The following AIFM1 variants were observed in gnomAD, a reference collection of about 807,000 sequenced individuals.
AIFM1 encodes the protein apoptosis-inducing factor 1, mitochondrial.
A neutral mutation model predicts 51.7 loss-of-function variants in AIFM1; 3 were observed. The ratio of observed to expected loss-of-function variants is 0.06; its 90% confidence interval spans 0.03 to 0.15. AIFM1 has a LOEUF of 0.15. Ranked by LOEUF, AIFM1 falls within the 10% of genes least tolerant of loss-of-function variation. The probability of loss-of-function intolerance (pLI) is 1.00; values close to 1 mark genes in which losing one functional copy is unlikely to be tolerated. For synonymous variants in AIFM1, 178 were observed against 179.4 expected, an observed-to-expected ratio of 0.99 and a Z score of 0.06; for missense variants, 330 against 476.8, an observed-to-expected ratio of 0.69 and a Z score of 2.87.
chrX:130,161,848 C>G (rs1412207130), intron 1 of AIFM1, among the ~76,000 whole-genome samples: 1 of 111,509 alleles, frequency 9.0e-6, no homozygotes, highest in Non-Finnish European at 1.9e-5. Flanking sequence ...CTCAAGTGAT[C>G]TGCCCACCTT....
At chrX:130,147,373 A>G in intron 5 of AIFM1, 120 bp downstream of exon 5, 1 of 900,246 alleles carries the variant, frequency 1.1e-6, no homozygotes, top group Non-Finnish European at 1.6e-6. Flanking sequence ...GGACCACAGT[A>G]GACTCTAGTG....
At chrX:130,153,194 A>T (rs2031048603) in intron 2 of AIFM1, among the ~76,000 whole-genome samples, 1 of 104,839 alleles carries the variant, frequency 9.5e-6, no homozygotes, top group African/African-American at 3.5e-5. Context: ...AAAAAAAAAA[A>T]AAAAAATTAG....
intron 13 of AIFM1, among the ~76,000 whole-genome samples, chrX:130,132,770 G>A (rs1220363304): frequency 5.1e-5 from 5 of 98,042 alleles, no homozygotes; most frequent in South Asian, 5.0e-4. Context: ...TTTTTGAGAC[G>A]GAGTCTCGCT....
Position 130,147,742 on chromosome X carries a change from T to C in AIFM1, c.474+10A>G, listed in dbSNP as rs2030807966. ...ACCCTCTGTGCCAAGCAAAAAAACA[T>C]GCACCTTACCCTGGCCCCAGGATCC... is the stretch of plus-strand genomic sequence containing the variant. On this transcript the variant is annotated intron_variant, in intron 4 of 15. Transcript: ENST00000287295. 8.3e-7 allele frequency: 1 copy of C among 1,210,327 alleles called. No homozygotes were observed. The highest frequency in any genetic ancestry group is 1.7e-5 in the African/African-American group (1 of 57,286).
intron 1 of AIFM1, among the ~76,000 whole-genome samples, chrX:130,160,129 C>T (rs1487280266): frequency 9.0e-6 from 1 of 111,703 alleles, no homozygotes; most frequent in Non-Finnish European, 1.9e-5. Flanking sequence ...ATTAATAAAC[C>T]AACTTTTAAA....
chrX:130,165,477 G>C (rs1381136590), intron 1 of AIFM1, 74 bp downstream of exon 1: 2 of 891,877 alleles, frequency 2.2e-6, no homozygotes, highest in Non-Finnish European at 3.2e-6. Context: ...CGCGGGGGTA[G>C]AGGGCTGCAA....
At chrX:130,150,481 G>C (rs375802852) in intron 2 of AIFM1, among the ~76,000 whole-genome samples, 3 of 100,821 alleles carry the variant, frequency 3.0e-5, no homozygotes, top group Non-Finnish European at 6.0e-5. Flanking sequence ...GACTACAGGC[G>C]CCCGCCACTA....
chrX:130,146,611 C>CA (rs1407106263), intron 5 of AIFM1, among the ~76,000 whole-genome samples: 1 of 109,920 alleles, frequency 9.1e-6, no homozygotes, highest in Non-Finnish European at 1.9e-5. Flanking sequence ...GGTCAGGTAT[C>CA]AAAGGGGTCA....
In AIFM1 at chrX:130,137,274, C is replaced by T. The variant is rs758934186; in HGVS notation, c.968-89G>A. On this transcript the variant is annotated intron_variant, in intron 9 of 15. Transcript: ENST00000287295. ...AGAAGTAAAGGAGCAGCAGGCAGCC[C>T]TCACTACAGACAGGGCAGAGCTGCA... is the stretch of plus-strand genomic sequence containing the variant. The T allele has an allele frequency of 6.7e-6, 8 of 1,201,086 alleles. No homozygotes were observed. In the African/African-American group the frequency reaches 1.1e-4, roughly 16 times the overall value.
intron 9 of AIFM1, chrX:130,137,763 A>G: frequency 9.9e-7 from 1 of 1,013,188 alleles, no homozygotes; most frequent in South Asian, 3.3e-5. Flanking sequence ...AAAAGAAAGG[A>G]AAGAAAGTAT....
chrX:130,165,250 G>A (rs1316008212), intron 1 of AIFM1, among the ~76,000 whole-genome samples: 3 of 80,802 alleles, frequency 3.7e-5, no homozygotes, highest in African/African-American at 4.7e-5. Context: ...AAAGGGGGGT[G>A]GGGGGTGGGG....
intron 3 of AIFM1, 34 bp from the exon 4 acceptor site, chrX:130,147,910 T>C (rs749913538): frequency 4.1e-6 from 5 of 1,210,109 alleles, no homozygotes; most frequent in Middle Eastern, 2.3e-4. Context: ...ATGAATCTTC[T>C]TGAAGTCTCA....
At chrX:130,164,748 G>A (rs1018674240) in intron 1 of AIFM1, among the ~76,000 whole-genome samples, 2 of 111,572 alleles carry the variant, frequency 1.8e-5, no homozygotes, top group African/African-American at 6.5e-5. Context: ...TTGCAGCGAA[G>A]GGATTAAGGA....
intron 13 of AIFM1, among the ~76,000 whole-genome samples, chrX:130,132,499 G>A (rs2030133202): frequency 8.9e-6 from 1 of 112,464 alleles, no homozygotes; most frequent in African/African-American, 3.2e-5. Flanking sequence ...AATTTGAGAT[G>A]TTTTATGGCT....
chrX:130,162,236 A>T (rs1012421300), intron 1 of AIFM1, among the ~76,000 whole-genome samples: 2 of 112,070 alleles, frequency 1.8e-5, no homozygotes, highest in African/African-American at 6.5e-5. Flanking sequence ...GCTTGATACA[A>T]ATCACAAGAG....
chrX:130,137,430 C>T (rs927781083), intron 9 of AIFM1: 1 of 1,163,552 alleles, frequency 8.6e-7, no homozygotes, highest in Admixed American at 2.6e-5. Flanking sequence ...GAACTCTGTG[C>T]ACTTCCACCC....
At chrX:130,135,367 G>GT (rs1294292052) in intron 12 of AIFM1, among the ~76,000 whole-genome samples, 1 of 104,948 alleles carries the variant, frequency 9.5e-6, no homozygotes, top group East Asian at 3.0e-4. Flanking sequence ...GATTACAGGT[G>GT]TAAGCCACTT....
chrX:130,160,572 C>A (rs1482469486), intron 1 of AIFM1, among the ~76,000 whole-genome samples: 3 of 111,957 alleles, frequency 2.7e-5, no homozygotes, highest in African/African-American at 9.7e-5. Context: ...ATTGACTGAA[C>A]ATTCTTATTA....
intron 6 of AIFM1, among the ~76,000 whole-genome samples, chrX:130,141,482 C>T (rs1334533636): frequency 1.8e-5 from 2 of 112,069 alleles, no homozygotes; most frequent in Non-Finnish European, 3.8e-5. Context: ...AGAATGCTTT[C>T]TCCAACTTGT....
Sources: gnomAD v4.1 joint callset for allele counts (sites outside exome capture counted in the v4.1 genomes callset) on GRCh38, gnomAD v4.1.1 for gene constraint, MANE v1.5 for transcripts, NCBI Gene and HGNC (gene_info 2026-07-23, HGNC 2026-07-21) for gene names.